KRTAP29-1: variants seen among roughly 807,000 people sequenced by gnomAD.
The protein encoded by KRTAP29-1 is keratin associated like protein 29-1, also known as keratin-associated protein 29-1.
For synonymous variants in KRTAP29-1, 142 were observed against 153.6 expected, an observed-to-expected ratio of 0.92 and a Z score of 0.56; for missense variants, 419 against 412.1, an observed-to-expected ratio of 1.02 and a Z score of -0.14.
rs1001191 is a variant in KRTAP29-1, at chr17:41,302,224, A to T, written c.628T>A (p.Cys210Ser). The T allele has an allele frequency of 0.19, 287,590 of 1,550,360 alleles. 27,716 individuals carry two copies. The highest frequency in any genetic ancestry group is 0.3 in the East Asian group (12,265 of 40,904). The part of the protein sequence containing the change: ...PCKSTYYQPI[C>S]YIFKPCQSAL... ...GATTGGCAAGGCTTGAAAATATAGCAGATGGGTTGATAATAAGTTGATTTA... is the reference window on the plus strand; with the variant it reads ...GATTGGCAAGGCTTGAAAATATAGCTGATGGGTTGATAATAAGTTGATTTA... The change falls in exon 1 of 1, where the codon TGC becomes AGC. Residue 210 changes from cysteine to serine, a missense_variant. Coordinates refer to ENST00000391353, the MANE Select transcript of KRTAP29-1 (RefSeq NM_001257309.1).
In KRTAP29-1 at chr17:41,302,160, C is replaced by A. The variant is rs1435593610; in HGVS notation, c.692G>T (p.Cys231Phe). ...AGTAGTATTGCAAGAACTGAACACA[C>A]AAGTCGATGGCTGGCAGGGAACAGG... Reference protein sequence around the residue: ...YMPVPCQPSTCVFSSCNTTCC... With the variant: ...YMPVPCQPSTFVFSSCNTTCC... The change falls in exon 1 of 1, where the codon TGT becomes TTT. Residue 231 changes from cysteine to phenylalanine, a missense_variant. Coordinates refer to ENST00000391353, the MANE Select transcript of KRTAP29-1 (RefSeq NM_001257309.1). The A allele has an allele frequency of 1.9e-6, 3 of 1,550,652 alleles. No individual in the cohort carries two copies. Among genetic ancestry groups the A allele is most frequent in the South Asian group, 2.4e-5 (2 of 84,062 alleles).
Position 41,302,254 on chromosome 17 carries a change from G to C in KRTAP29-1, c.598C>G (p.Pro200Ala), listed in dbSNP as rs1170817616. Residue 200 changes from proline (P) to alanine (A), a missense_variant, in exon 1 of 1, where the codon CCC becomes GCC. Coordinates refer to ENST00000391353, the MANE Select transcript of KRTAP29-1 (RefSeq NM_001257309.1). ...GGTTGATAATAAGTTGATTTACAGGGCTGGCCTTCACCACTGACGGGTTGA... is the reference window on the plus strand; with the variant it reads ...GGTTGATAATAAGTTGATTTACAGGCCTGGCCTTCACCACTGACGGGTTGA... ...SCQPVSGEGQ[P>A]CKSTYYQPIC... 6.4e-7 allele frequency: 1 copy of C among 1,550,404 alleles called. No homozygotes were observed. The highest frequency in any genetic ancestry group is 2.4e-5 in the East Asian group (1 of 40,926).
At position 41,302,776 on chromosome 17, in the gene KRTAP29-1, C is replaced by G. The variant is rs979828088; in HGVS notation, c.76G>C (p.Gly26Arg). 16 of 1,550,698 alleles carry G rather than the reference C, an allele frequency of 1.0e-5. No homozygotes were observed. Among genetic ancestry groups the G allele is most frequent in the Non-Finnish European group, 1.4e-5 (16 of 1,147,048 alleles). Residue 26 changes from glycine (G) to arginine (R), a missense_variant, in exon 1 of 1, where the codon GGT (glycine) becomes CGT (arginine). By Grantham distance (125) the Gly-to-Arg change is moderately radical. Coordinates refer to ENST00000391353, the MANE Select transcript of KRTAP29-1 (RefSeq NM_001257309.1). ...AAACAGAGAGCATGTCGAAATCCAC[C>G]TTTAACTGGGTATGTGGTGATGGTG... ...VPTITTYPVK[G>R]GFRHALCLPS...
At position 41,302,176 on chromosome 17, in the gene KRTAP29-1, A is replaced by G. The variant is rs1000148866; in HGVS notation, c.676T>C (p.Cys226Arg). The part of the protein sequence containing the change: ...CQSALYMPVP[C>R]QPSTCVFSSC... ...CTGAACACACAAGTCGATGGCTGGC[A>G]GGGAACAGGCATGTAGAGGGCTGAT... The change falls in exon 1 of 1, where the codon TGC becomes CGC. Residue 226 changes from cysteine to arginine, a missense_variant. Transcript: ENST00000391353. The G allele has an allele frequency of 1.3e-6, 2 of 1,550,670 alleles. No homozygotes were observed. Among genetic ancestry groups the G allele is most frequent in the Non-Finnish European group, 1.7e-6 (2 of 1,147,010 alleles).
Position 41,302,833 on chromosome 17 carries a change from G to T in KRTAP29-1, c.19C>A (p.Pro7Thr). ...GCTGGAATGGCTGTGGTGTTTCCAG[G>T]ACAACAGCCGTCTGCCATGGTGCTG... is the stretch of plus-strand genomic sequence containing the variant. The part of the protein sequence containing the change: MADGCC[P>T]GNTTAIPAVP... The change falls in exon 1 of 1, where the codon CCT (proline) becomes ACT (threonine). Residue 7 changes from proline to threonine, a missense_variant. Pro to Thr is a conservative substitution (Grantham distance 38). Coordinates refer to ENST00000391353, the MANE Select transcript of KRTAP29-1 (RefSeq NM_001257309.1). 2 of 1,548,126 alleles carry T rather than the reference G, an allele frequency of 1.3e-6. No individual in the cohort carries two copies. The highest frequency in any genetic ancestry group is 1.7e-6 in the Non-Finnish European group (2 of 1,145,110).
In KRTAP29-1 at chr17:41,302,683, C is replaced by T; in HGVS notation, c.169G>A (p.Gly57Ser). 6.4e-7 allele frequency: 1 copy of T among 1,550,628 alleles called. No individual in the cohort carries two copies. The highest frequency in any genetic ancestry group is 8.7e-7 in the Non-Finnish European group (1 of 1,147,002). Residue 57 changes from glycine (G) to serine (S), a missense_variant, in exon 1 of 1, where the codon GGT becomes AGT. Coordinates refer to ENST00000391353, the MANE Select transcript of KRTAP29-1 (RefSeq NM_001257309.1). ...TCQESCQPSIGAPSGCDPASC... is the reference protein window; with the variant it reads ...TCQESCQPSISAPSGCDPASC... ...GCAGGATCACAGCCACTTGGGGCAC[C>T]AATGGATGGCTGACAGCTTTCTTGG...
chr17:41,302,796 A>G lies in KRTAP29-1; in HGVS notation c.56T>C (p.Ile19Thr). ...NTTAIPAVPTITTYPVKGGFR... is the reference protein window; with the variant it reads ...NTTAIPAVPTTTTYPVKGGFR... ...TCCACCTTTAACTGGGTATGTGGTG[A>G]TGGTGGGCACAGCTGGAATGGCTGT... The change falls in exon 1 of 1, where the codon ATC becomes ACC. Residue 19 changes from isoleucine (I) to threonine (T), a missense_variant. Coordinates refer to ENST00000391353, the MANE Select transcript of KRTAP29-1 (RefSeq NM_001257309.1). 1.9e-6 allele frequency: 3 copies of G among 1,550,884 alleles called. No homozygotes were observed. Among genetic ancestry groups the G allele is most frequent in the Non-Finnish European group, 2.6e-6 (3 of 1,147,066 alleles).
chr17:41,302,174 G>T, the KRTAP29-1 span: 11 of 1,550,638 alleles, frequency 7.1e-6, no homozygotes, highest in Admixed American at 1.4e-4. Context: ...TCGATGGCTG[G>T]CAGGGAACAG....
chr17:41,302,283 G>C, the KRTAP29-1 span: 1 of 1,550,546 alleles, frequency 6.4e-7, no homozygotes, highest in Non-Finnish European at 8.7e-7. Flanking sequence ...GGGTTGACAT[G>C]AACTTCCTTG....
Position 41,302,373 on chromosome 17 carries a change from C to G in KRTAP29-1, c.479G>C (p.Cys160Ser). The change falls in exon 1 of 1, where the codon TGC becomes TCC. Residue 160 changes from cysteine to serine, a missense_variant. Physicochemically the swap from Cys to Ser is moderately radical, Grantham distance 112. Coordinates refer to ENST00000391353, the MANE Select transcript of KRTAP29-1 (RefSeq NM_001257309.1). ...TTCCGGACAGGAGGTCACTTCAGAG[C>G]AGGATGGCTGGCAGGATCCAGCATC... is the stretch of plus-strand genomic sequence containing the variant. The part of the protein sequence containing the change: ...CCDAGSCQPS[C>S]SEVTSCPETS... 6.4e-7 allele frequency: 1 copy of G among 1,550,472 alleles called. No homozygotes were observed. Among genetic ancestry groups the G allele is most frequent in the Non-Finnish European group, 8.7e-7 (1 of 1,146,964 alleles).
chr17:41,302,085 G>A lies in KRTAP29-1; in HGVS notation c.767C>T (p.Ser256Phe). The change falls in exon 1 of 1, where the codon TCC becomes TTC. Residue 256 changes from serine (S) to phenylalanine (F), a missense_variant. By Grantham distance (155) the Ser-to-Phe change is radical (BLOSUM62 -2). Coordinates refer to ENST00000391353, the MANE Select transcript of KRTAP29-1 (RefSeq NM_001257309.1). ...CQPPHCQLVP[S>F]TCFIYQPVAN... Reference sequence around the variant, plus strand: ...CACTGGCTGGTAGATGAAGCATGTGGAAGGAACCAGTTGGCAGTGAGGTGG... The same window carrying A: ...CACTGGCTGGTAGATGAAGCATGTGAAAGGAACCAGTTGGCAGTGAGGTGG... 1 of 1,550,652 alleles carries A rather than the reference G, an allele frequency of 6.4e-7. No homozygotes were observed. Among genetic ancestry groups the A allele is most frequent in the Non-Finnish European group, 8.7e-7 (1 of 1,147,004 alleles).
chr17:41,302,143 T>A lies in KRTAP29-1; in HGVS notation c.709A>T (p.Asn237Tyr). The change falls in exon 1 of 1, where the codon AAT becomes TAT. Residue 237 changes from asparagine to tyrosine, a missense_variant. Coordinates refer to ENST00000391353, the MANE Select transcript of KRTAP29-1 (RefSeq NM_001257309.1). Reference sequence around the variant, plus strand: ...TGGGAAGGCACACAGCAAGTAGTATTGCAAGAACTGAACACACAAGTCGAT... The same window carrying A: ...TGGGAAGGCACACAGCAAGTAGTATAGCAAGAACTGAACACACAAGTCGAT... ...QPSTCVFSSCNTTCCVPSHCQ... is the reference protein window; with the variant it reads ...QPSTCVFSSCYTTCCVPSHCQ... 3 of 1,550,624 alleles carry A rather than the reference T, an allele frequency of 1.9e-6. No homozygotes were observed. Among genetic ancestry groups the A allele is most frequent in the Non-Finnish European group, 1.7e-6 (2 of 1,147,002 alleles).
chr17:41,302,713 T>A lies in KRTAP29-1; in HGVS notation c.139A>T (p.Thr47Ser). 1 of 1,550,680 alleles carries A rather than the reference T, an allele frequency of 6.4e-7. No homozygotes were observed. Among genetic ancestry groups the A allele is most frequent in the Non-Finnish European group, 8.7e-7 (1 of 1,147,010 alleles). ...GATGGCTGACAGCTTTCTTGGCATG[T>A]GACCAGTTGCCACATTCTGCTGTGG... ...SCHSRMWQLV[T>S]CQESCQPSIG... is the part of the protein sequence containing the mutation. The change falls in exon 1 of 1, where the codon ACA becomes TCA. Residue 47 changes from threonine to serine, a missense_variant. Coordinates refer to ENST00000391353, the MANE Select transcript of KRTAP29-1 (RefSeq NM_001257309.1).
chr17:41,302,334 G>T lies in KRTAP29-1; in HGVS notation c.518C>A (p.Pro173Gln), dbSNP rs991736238. Residue 173 changes from proline (P) to glutamine (Q), a missense_variant, in exon 1 of 1, where the codon CCA becomes CAA. Pro to Gln is a moderately conservative substitution (Grantham distance 76). Coordinates refer to ENST00000391353, the MANE Select transcript of KRTAP29-1 (RefSeq NM_001257309.1). The part of the protein sequence containing the change: ...VTSCPETSCL[P>Q]TICTASPCQP... ...GCATGGACTAGCTGTACAGATGGTT[G>T]GTAGGCAAGAAGTTTCCGGACAGGA... 1 of 1,064,278 alleles carries T rather than the reference G, an allele frequency of 9.4e-7. No homozygotes were observed. Among genetic ancestry groups the T allele is most frequent in the African/African-American group, 1.5e-5 (1 of 67,488 alleles). 65.9% of individuals were successfully genotyped at this position (1,064,278 alleles called of 1,614,324 possible). A position where few individuals can be genotyped will look rare whatever the true frequency, so the allele number is the denominator to read the frequency against.
In KRTAP29-1 at chr17:41,302,062, C is replaced by T; in HGVS notation, c.790G>A (p.Val264Met). ...VPSTCFIYQPVANCQAPCSTK... is the reference protein window; with the variant it reads ...VPSTCFIYQPMANCQAPCSTK... ...GAACAAGGGGCCTGGCAGTTAGCCA[C>T]TGGCTGGTAGATGAAGCATGTGGAA... The change falls in exon 1 of 1, where the codon GTG (valine) becomes ATG (methionine). Residue 264 changes from valine (V) to methionine (M), a missense_variant. Physicochemically the swap from Val to Met is conservative, Grantham distance 21. Transcript: ENST00000391353. The T allele has an allele frequency of 6.4e-7, 1 of 1,550,560 alleles. No homozygotes were observed.
chr17:41,302,128 C>T lies in KRTAP29-1; in HGVS notation c.724G>A (p.Val242Met). The stretch of plus-strand genomic sequence containing the variant: ...TGAGGTGGCTGGCAATGGGAAGGCA[C>T]ACAGCAAGTAGTATTGCAAGAACTG... ...VFSSCNTTCC[V>M]PSHCQPPHCQ... The change falls in exon 1 of 1, where the codon GTG (valine) becomes ATG (methionine). Residue 242 changes from valine (V) to methionine (M), a missense_variant. By Grantham distance (21) the Val-to-Met change is conservative. Coordinates refer to ENST00000391353, the MANE Select transcript of KRTAP29-1 (RefSeq NM_001257309.1). The T allele has an allele frequency of 6.4e-7, 1 of 1,550,546 alleles. No homozygotes were observed. The highest frequency in any genetic ancestry group is 8.7e-7 in the Non-Finnish European group (1 of 1,147,002).
rs2016847030 is a variant in KRTAP29-1 at position 41,302,529 on chromosome 17, G to A, written c.323C>T (p.Pro108Leu). Residue 108 changes from proline to leucine, a missense_variant, in exon 1 of 1, where the codon CCA (proline) becomes CTA (leucine). Coordinates refer to ENST00000391353, the MANE Select transcript of KRTAP29-1 (RefSeq NM_001257309.1). ...QSPCLVSSCQPSCSESTCCQE... is the reference protein window; with the variant it reads ...QSPCLVSSCQLSCSESTCCQE... ...ACAACAAGTAGATTCCGAGCAGGAT[G>A]GCTGACATGAGCTAACCAGACAAGG... 4 of 1,550,530 alleles carry A rather than the reference G, an allele frequency of 2.6e-6. No homozygotes were observed. Among genetic ancestry groups the A allele is most frequent in the African/African-American group, 1.4e-5 (1 of 73,156 alleles).
In KRTAP29-1 at chr17:41,302,663, A is replaced by G; in HGVS notation, c.189T>C (p.Asp63=). The G allele has an allele frequency of 6.4e-7, 1 of 1,550,660 alleles. No homozygotes were observed. Among genetic ancestry groups the G allele is most frequent in the Middle Eastern group, 1.7e-4 (1 of 5,992 alleles). The stretch of plus-strand genomic sequence containing the variant: ...GGCGGGTAGGTTGACACGAAGCAGG[A>G]TCACAGCCACTTGGGGCACCAATGG... ...QPSIGAPSGC[D]PASCQPTRLP... is the part of the protein sequence containing the mutation. Residue 63 remains aspartate, a synonymous_variant, in exon 1 of 1, where the codon GAT becomes GAC. Coordinates refer to ENST00000391353, the MANE Select transcript of KRTAP29-1 (RefSeq NM_001257309.1).
the KRTAP29-1 span, chr17:41,302,078 G>T: frequency 6.4e-7 from 1 of 1,550,632 alleles, no homozygotes; most frequent in Non-Finnish European, 8.7e-7. Context: ...GGTAGATGAA[G>T]CATGTGGAAG....
Sources: allele counts gnomAD v4.1 joint callset, GRCh38; gene constraint gnomAD v4.1.1; transcripts MANE v1.5; gene names NCBI Gene and HGNC (gene_info 2026-07-23, HGNC 2026-07-21).